DTHD1: variants seen among roughly 807,000 people sequenced by gnomAD.
The protein encoded by DTHD1 is death domain containing 1.
DTHD1 carries 59 observed loss-of-function variants against 74.8 expected under a neutral mutation model. The observed-to-expected ratio is 0.79, with a 90% CI of 0.64 to 0.98. The LOEUF is 0.98. Among genes scored for constraint, DTHD1 ranks in the 50% least tolerant of loss-of-function variants. DTHD1 has a pLI of 0.00. For synonymous variants in DTHD1, 365 were observed against 371.1 expected (o/e 0.98, Z 0.19); for missense variants, 1,051 against 1,065.4 (o/e 0.99, Z 0.19).
chr4:36,295,029 T>C lies in DTHD1; in HGVS notation c.1633T>C (p.Tyr545His). The change falls in exon 5 of 10, where the codon TAT becomes CAT. Residue 545 changes from tyrosine (Y) to histidine (H), a missense_variant. Tyr to His is a moderately conservative substitution (Grantham distance 83). Coordinates refer to ENST00000639862, the MANE Select transcript of DTHD1 (RefSeq NM_001170700.3). ...CACAATAAATAGGATTACACCTTCGTATTTCAACCGGTGAGTAAGTTTCTA... is the reference window on the plus strand; with the variant it reads ...CACAATAAATAGGATTACACCTTCGCATTTCAACCGGTGAGTAAGTTTCTA... The part of the protein sequence containing the change: ...SATINRITPS[Y>H]FNRTKIASIR... The C allele has an allele frequency of 6.5e-7, 1 of 1,535,458 alleles. No individual in the cohort carries two copies. Among genetic ancestry groups the C allele is most frequent in the Non-Finnish European group, 8.8e-7 (1 of 1,135,680 alleles).
In DTHD1 at chr4:36,284,548, G is replaced by A; in HGVS notation, c.844G>A (p.Asp282Asn). 2 of 1,527,704 alleles carry A rather than the reference G, an allele frequency of 1.3e-6. No individual in the cohort carries two copies. Among genetic ancestry groups the A allele is most frequent in the Non-Finnish European group, 1.7e-6 (2 of 1,143,934 alleles). The allele number at this position is 1,527,704 out of a possible 1,614,324, so 94.6% of individuals were successfully genotyped here. A position where few individuals can be genotyped will look rare whatever the true frequency, so the allele number is the denominator to read the frequency against. ...ATATATAAATAGTACTCTTCCCAAT[G>A]ATTCAGAGAATATAAAGCACAAGAA... ...KKYINSTLPN[D>N]SENIKHKNNI... Residue 282 changes from aspartate (D) to asparagine (N), a missense_variant, in exon 2 of 10, where the codon GAT (aspartate) becomes AAT (asparagine). Physicochemically the swap from Asp to Asn is conservative, Grantham distance 23 (BLOSUM62 1). Transcript: ENST00000639862.
At position 36,290,646 on chromosome 4, in the gene DTHD1, C is replaced by T; in HGVS notation, c.1161C>T (p.Asn387=). ...TCATGGTGAAAGTGTGTGACATAAA[C>T]CTTCAATCAAGTTACCTAAACCCAA... ...RDIMVKVCDI[N]LQSSYLNPNS... Residue 387 remains asparagine (N), a synonymous_variant, in exon 3 of 10, where the codon AAC becomes AAT. Transcript: ENST00000639862. 2.6e-6 allele frequency: 4 copies of T among 1,547,372 alleles called. No individual in the cohort carries two copies. Among genetic ancestry groups the T allele is most frequent in the Non-Finnish European group, 3.5e-6 (4 of 1,146,934 alleles).
chr4:36,289,709 A>C (rs1755940089), intron 2 of DTHD1, among the ~76,000 whole-genome samples: 1 of 152,132 alleles, frequency 6.6e-6, no homozygotes. Flanking sequence ...ATCTGAATTC[A>C]AATCTATAAC....
intron 6 of DTHD1, among the ~76,000 whole-genome samples, chr4:36,307,596 C>A (rs2109497176): frequency 6.6e-6 from 1 of 152,310 alleles, no homozygotes. Flanking sequence ...AGACACAATG[C>A]AATTCCTACC....
intron 9 of DTHD1, among the ~76,000 whole-genome samples, chr4:36,340,600 A>G (rs1759261971): frequency 6.6e-6 from 1 of 152,238 alleles, no homozygotes; most frequent in Non-Finnish European, 1.5e-5. Context: ...AGTGAGAAGG[A>G]AAGACCATCA....
Position 36,293,651 on chromosome 4 carries a change from A to T in DTHD1, c.1344A>T (p.Ile448=). ...TTAAGTCAAGCATGGATTCCCGAATATCCTTAAATTACCCTCCAGGAGTTT... is the reference window on the plus strand; with the variant it reads ...TTAAGTCAAGCATGGATTCCCGAATTTCCTTAAATTACCCTCCAGGAGTTT... ...LALKSSMDSR[I]SLNYPPGVFT... The change falls in exon 4 of 10, where the codon ATA becomes ATT. Residue 448 remains isoleucine (I), a synonymous_variant. Coordinates refer to ENST00000639862, the MANE Select transcript of DTHD1 (RefSeq NM_001170700.3). The T allele has an allele frequency of 1.3e-6, 2 of 1,548,702 alleles. No homozygotes were observed. Among genetic ancestry groups the T allele is most frequent in the South Asian group, 1.2e-5 (1 of 83,708 alleles).
chr4:36,319,591 G>A (rs1450994166), intron 8 of DTHD1, among the ~76,000 whole-genome samples: 1 of 152,236 alleles, frequency 6.6e-6, no homozygotes, highest in Non-Finnish European at 1.5e-5. Context: ...TCTCTGGCAA[G>A]AGGCGGTAAG....
intron 8 of DTHD1, among the ~76,000 whole-genome samples, chr4:36,318,302 C>T (rs55650517): frequency 0.23 from 35,111 of 152,156 alleles, 4,525 homozygotes; most frequent in Admixed American, 0.29. Context: ...CATCCAGGTA[C>T]ACCTTTGATG....
At chr4:36,342,638 G>A (rs1759379259) in intron 9 of DTHD1, among the ~76,000 whole-genome samples, 1 of 151,980 alleles carries the variant, frequency 6.6e-6, no homozygotes, top group African/African-American at 2.4e-5. Context: ...GGTAGATCAT[G>A]TCGTGTGTAT....
rs1759574806 is a variant in DTHD1 at position 36,346,180 on chromosome 4, A to G, written c.*2356A>G. Reference sequence around the variant, plus strand: ...CTCTCACAAATGTCCTCGTTCACATATACCCCACCTCCACATTTCATATAC... The same window carrying G: ...CTCTCACAAATGTCCTCGTTCACATGTACCCCACCTCCACATTTCATATAC... On this transcript the variant is annotated 3_prime_UTR_variant, in exon 10 of 10. Coordinates refer to ENST00000639862, the MANE Select transcript of DTHD1 (RefSeq NM_001170700.3). Among the ~76,000 whole-genome samples, 1 of 151,894 alleles carries G rather than the reference A, an allele frequency of 6.6e-6. No homozygotes were observed. The highest frequency in any genetic ancestry group is 2.4e-5 in the African/African-American group (1 of 41,362).
intron 9 of DTHD1, among the ~76,000 whole-genome samples, chr4:36,343,243 C>G (rs1409384396): frequency 2.0e-5 from 3 of 151,700 alleles, no homozygotes; most frequent in African/African-American, 7.2e-5. Flanking sequence ...TTTTAACATG[C>G]CCTCTTGGTT....
At chr4:36,323,822 T>C (rs1758176891) in intron 8 of DTHD1, among the ~76,000 whole-genome samples, 1 of 152,166 alleles carries the variant, frequency 6.6e-6, no homozygotes, top group South Asian at 2.1e-4. Context: ...TCTTGGTAAG[T>C]AGAAATATTA....
At chr4:36,309,405 G>A (rs1483529413) in intron 7 of DTHD1, among the ~76,000 whole-genome samples, 1 of 152,110 alleles carries the variant, frequency 6.6e-6, no homozygotes, top group Non-Finnish European at 1.5e-5. Flanking sequence ...GTTGCAGTGA[G>A]CCGAGATCGC....
intron 3 of DTHD1, among the ~76,000 whole-genome samples, chr4:36,291,072 C>T (rs1223137275): frequency 6.6e-6 from 1 of 152,110 alleles, no homozygotes; most frequent in African/African-American, 2.4e-5. Flanking sequence ...ATGATAGTAG[C>T]TTTAATTTTT....
Position 36,308,346 on chromosome 4 carries a change from T to A in DTHD1, c.1948T>A (p.Leu650Ile), listed in dbSNP as rs759836208. Reference sequence around the variant, plus strand: ...GGACAATCCACATAGAATAGCTGTTTTAGTGGTGCCTTCCAAAGATTTAAG... The same window carrying A: ...GGACAATCCACATAGAATAGCTGTTATAGTGGTGCCTTCCAAAGATTTAAG... ...QKDNPHRIAV[L>I]VVPSKDLSQV... Residue 650 changes from leucine to isoleucine, a missense_variant, in exon 7 of 10, where the codon TTA becomes ATA. Leu to Ile is a conservative substitution (Grantham distance 5, BLOSUM62 2). Transcript: ENST00000639862. 6.4e-7 allele frequency: 1 copy of A among 1,551,880 alleles called. No homozygotes were observed. Among genetic ancestry groups the A allele is most frequent in the South Asian group, 1.2e-5 (1 of 84,066 alleles).
intron 7 of DTHD1, among the ~76,000 whole-genome samples, chr4:36,312,788 G>C (rs943698499): frequency 6.6e-6 from 1 of 152,216 alleles, no homozygotes; most frequent in African/African-American, 2.4e-5. Flanking sequence ...AACTGATCAT[G>C]CCTTGTAGGC....
At chr4:36,282,661 A>G (rs1479619512) in intron 1 of DTHD1, among the ~76,000 whole-genome samples, 2 of 152,204 alleles carry the variant, frequency 1.3e-5, no homozygotes, top group East Asian at 1.9e-4. Flanking sequence ...CTAGATAACA[A>G]CAGTTACTCC....
chr4:36,339,527 T>G (rs1201587295), intron 9 of DTHD1, among the ~76,000 whole-genome samples: 1 of 152,226 alleles, frequency 6.6e-6, no homozygotes, highest in Non-Finnish European at 1.5e-5. Context: ...TCAATTCAAA[T>G]CAACGTTTGA....
At chr4:36,312,221 T>C (rs1757449211) in intron 7 of DTHD1, among the ~76,000 whole-genome samples, 1 of 151,700 alleles carries the variant, frequency 6.6e-6, no homozygotes, top group African/African-American at 2.4e-5. Context: ...AATGACACCA[T>C]GGCATCATCC....
Sources: allele counts gnomAD v4.1 joint callset (sites outside exome capture counted in the v4.1 genomes callset), GRCh38; gene constraint gnomAD v4.1.1; transcripts MANE v1.5; gene names NCBI Gene and HGNC (gene_info 2026-07-23, HGNC 2026-07-21).